Variants in AGMO observed in about 807,000 individuals in gnomAD.
The protein encoded by AGMO is alkylglycerol monooxygenase, also known as glyceryl-ether monooxygenase.
In AGMO, 75 loss-of-function variants were observed where a neutral mutation model predicts 60.2. The ratio of observed to expected loss-of-function variants is 1.25; its 90% CI spans 1.03 to 1.51. AGMO has a LOEUF of 1.51. Ranked by LOEUF, AGMO falls within the 40% of genes most tolerant of loss-of-function variation. The pLI is 0.00. For missense variants in AGMO, 763 were observed against 525.5 expected, an observed-to-expected ratio of 1.45 and a Z score of -4.42; for synonymous variants, 261 against 177.1, an observed-to-expected ratio of 1.47 and a Z score of -3.76.
At chr7:15,432,335 T>TATATACACATAC (rs2128498770) in intron 3 of AGMO, among the ~76,000 whole-genome samples, 1 of 136,626 alleles carries the variant, frequency 7.3e-6, no homozygotes, top group African/African-American at 2.7e-5. Flanking sequence ...TATGTATATA[T>TATATACACATAC]ATATATATAT....
chr7:15,482,572 T>C (rs1380800360), intron 3 of AGMO, among the ~76,000 whole-genome samples: 1 of 152,048 alleles, frequency 6.6e-6, no homozygotes, highest in Non-Finnish European at 1.5e-5. Flanking sequence ...CCCAAACATT[T>C]AAGGAAGAAA....
At chr7:15,148,121 C>T in the AGMO span, among the ~76,000 whole-genome samples, 1 of 151,182 alleles carries the variant, frequency 6.6e-6, no homozygotes, top group Non-Finnish European at 1.5e-5. Flanking sequence ...TTAACATTTT[C>T]CATATTTGTT....
chr7:15,455,447 G>C lies in AGMO; in HGVS notation c.410-24339C>G, dbSNP rs528967946. 8.2e-4 allele frequency among the ~76,000 whole-genome samples: 125 copies of C among 152,060 alleles called. No homozygotes were observed. The Middle Eastern group carries it at 0.017, about 21-fold the overall frequency. ...TCCTAAACTGATGACTCTCAGGTTG[G>C]CTTCATATTTTTCCTAGTAGGATTT... On this transcript the variant is annotated intron_variant, in intron 3 of 12. Coordinates refer to ENST00000342526, the MANE Select transcript of AGMO (RefSeq NM_001004320.2).
chr7:15,358,599 G>C (rs1189090855), intron 12 of AGMO, among the ~76,000 whole-genome samples: 4 of 152,070 alleles, frequency 2.6e-5, no homozygotes, highest in Non-Finnish European at 5.9e-5. Flanking sequence ...AAGATAAAAA[G>C]ACCTTAAACT....
chr7:15,235,242 T>G (rs972186519), intron 12 of AGMO, among the ~76,000 whole-genome samples: 1 of 152,104 alleles, frequency 6.6e-6, no homozygotes, highest in African/African-American at 2.4e-5. Flanking sequence ...CTCACTGTAT[T>G]GAAATTATGT....
chr7:15,426,344 T>G (rs1402492244), intron 4 of AGMO, among the ~76,000 whole-genome samples: 1 of 152,194 alleles, frequency 6.6e-6, no homozygotes, highest in Non-Finnish European at 1.5e-5. Flanking sequence ...ATAGACTAAT[T>G]TCTTTGAAAG....
intron 12 of AGMO, among the ~76,000 whole-genome samples, chr7:15,349,962 G>C (rs964636860): frequency 2.0e-5 from 3 of 152,086 alleles, no homozygotes; most frequent in African/African-American, 7.2e-5. Flanking sequence ...TGGGGACACA[G>C]CCAAATCATA....
At chr7:15,355,497 T>G (rs1280078364) in intron 12 of AGMO, among the ~76,000 whole-genome samples, 6 of 108,836 alleles carry the variant, frequency 5.5e-5, no homozygotes. Flanking sequence ...TGAGTGAGAC[T>G]CTGTCTCAAA....
chr7:15,145,762 T>C, the AGMO span, among the ~76,000 whole-genome samples: 1 of 152,176 alleles, frequency 6.6e-6, no homozygotes, highest in Non-Finnish European at 1.5e-5. Flanking sequence ...GAGGATATTC[T>C]GTAACAGAAA....
At chr7:15,240,752 G>T (rs2128502882) in intron 12 of AGMO, among the ~76,000 whole-genome samples, 1 of 152,114 alleles carries the variant, frequency 6.6e-6, no homozygotes, top group Admixed American at 6.5e-5. Flanking sequence ...TTAAAGAAAT[G>T]AATAAATACC....
chr7:15,322,509 TATATATAAATATATATAA>T lies in AGMO; in HGVS notation c.1263+42987_1263+43004del, dbSNP rs1563086118. ...ATAAATATATATAAATATATAAATA[TATATATAAATATATATAA>T]ATATATAAATATATATATAAATATA... On this transcript the variant is annotated intron_variant, in intron 12 of 12. Coordinates refer to ENST00000342526, the MANE Select transcript of AGMO (RefSeq NM_001004320.2). Among the ~76,000 whole-genome samples the T allele has an allele frequency of 2.9e-3, 209 of 72,264 alleles. 6 individuals carry two copies. The highest frequency in any genetic ancestry group is 0.013 in the African/African-American group (198 of 15,254). 47.4% of individuals were successfully genotyped at this position (72,264 alleles called of 152,430 possible). A position where few individuals can be genotyped will look rare whatever the true frequency, so the allele number is the denominator to read the frequency against.
chr7:15,437,600 T>C (rs1284698860), intron 3 of AGMO, among the ~76,000 whole-genome samples: 4 of 148,212 alleles, frequency 2.7e-5, no homozygotes, highest in Non-Finnish European at 5.9e-5. Context: ...AGTGGTGGGA[T>C]CTCCCCTCAC....
At chr7:15,373,167 A>C (rs1386085718) in intron 10 of AGMO, among the ~76,000 whole-genome samples, 1 of 152,000 alleles carries the variant, frequency 6.6e-6, no homozygotes, top group Non-Finnish European at 1.5e-5. Context: ...AATTCCAGCT[A>C]CTTGGGAGGT....
the AGMO span, among the ~76,000 whole-genome samples, chr7:15,161,555 T>C: frequency 5.2e-4 from 79 of 151,800 alleles, no homozygotes; most frequent in Middle Eastern, 3.5e-3. Flanking sequence ...AATACATATA[T>C]ACACATGTGG....
the AGMO span, among the ~76,000 whole-genome samples, chr7:15,173,228 AAATTTAT>A: frequency 5.9e-5 from 9 of 152,272 alleles, no homozygotes; most frequent in African/African-American, 2.2e-4. Flanking sequence ...TTACTGAAGT[AAATTTAT>A]TCACTTGTAT....
At chr7:15,232,315 G>A (rs1255348418) in intron 12 of AGMO, among the ~76,000 whole-genome samples, 1 of 152,190 alleles carries the variant, frequency 6.6e-6, no homozygotes, top group Non-Finnish European at 1.5e-5. Context: ...CAGGGCTTGT[G>A]AAGCTAAGTG....
At chr7:15,190,413 T>C in the AGMO span, among the ~76,000 whole-genome samples, 2 of 151,732 alleles carry the variant, frequency 1.3e-5, no homozygotes, top group Non-Finnish European at 2.9e-5. Context: ...GAGAGTAAAG[T>C]AGATCATACT....
intron 12 of AGMO, among the ~76,000 whole-genome samples, chr7:15,248,224 A>ATATATCTC (rs1486326352): frequency 1.0e-5 from 1 of 98,748 alleles, no homozygotes; most frequent in Non-Finnish European, 2.1e-5. Context: ...ATATATATAT[A>ATATATCTC]TCTTCATCTT....
At chr7:15,172,696 T>C in the AGMO span, among the ~76,000 whole-genome samples, 1 of 152,092 alleles carries the variant, frequency 6.6e-6, no homozygotes, top group South Asian at 2.1e-4. Flanking sequence ...GCTTCTCTGA[T>C]GCTCCAGAGG....
Sources: allele counts gnomAD v4.1 joint callset (sites outside exome capture counted in the v4.1 genomes callset), GRCh38; gene constraint gnomAD v4.1.1; transcripts MANE v1.5; gene names NCBI Gene and HGNC (gene_info 2026-07-23, HGNC 2026-07-21).